The following ACAP2 variants were observed in gnomAD, a reference collection of about 807,000 sequenced individuals.
ACAP2 encodes arf-GAP with coiled-coil, ANK repeat and PH domain-containing protein 2.
ACAP2 carries 39 observed loss-of-function variants against 115.8 expected under a neutral mutation model. The ratio of observed to expected loss-of-function variants is 0.34; its 90% CI spans 0.26 to 0.44. The LOEUF (loss-of-function observed/expected upper bound fraction) is 0.44. Ranked by LOEUF, ACAP2 falls within the 20% of genes least tolerant of loss-of-function variation. The pLI is 1.00. For missense variants in ACAP2, 662 were observed against 927.6 expected (o/e 0.71, Z 3.72); for synonymous variants, 289 against 315.8 (o/e 0.92, Z 0.90).
chr3:195,370,460 G>A (rs374393226), intron 4 of ACAP2, among the ~76,000 whole-genome samples: 3 of 152,070 alleles, frequency 2.0e-5, no homozygotes, highest in Admixed American at 6.6e-5. Context: ...TTCTGCACAC[G>A]GCTAGCCAGT....
intron 1 of ACAP2, among the ~76,000 whole-genome samples, chr3:195,424,223 TATGTGTGTGTGTGTGTGTGTG>T: frequency 1.2e-5 from 1 of 85,392 alleles, no homozygotes; most frequent in African/African-American, 7.1e-5. Flanking sequence ...AGAATGGTCA[TATGTGTGTGTGTGTGTGTGTG>T]GTGTGTGTGT....
At chr3:195,350,617 C>G (rs1428299238) in intron 4 of ACAP2, among the ~76,000 whole-genome samples, 1 of 149,184 alleles carries the variant, frequency 6.7e-6, no homozygotes, top group African/African-American at 2.5e-5. Context: ...TCACTGCACT[C>G]TAGCCCAGAA....
intron 6 of ACAP2, among the ~76,000 whole-genome samples, chr3:195,341,991 A>AG (rs1391952357): frequency 6.6e-6 from 1 of 152,070 alleles, no homozygotes; most frequent in African/African-American, 2.4e-5. Flanking sequence ...AGACTCAGAA[A>AG]GGGGGGAAGG....
intron 1 of ACAP2, among the ~76,000 whole-genome samples, chr3:195,433,936 C>T (rs751373871): frequency 6.6e-6 from 1 of 151,890 alleles, no homozygotes; most frequent in African/African-American, 2.4e-5. Flanking sequence ...GGGTTTGTTT[C>T]ATTTTTGTTT....
chr3:195,422,633 C>T (rs1714279898), intron 1 of ACAP2, among the ~76,000 whole-genome samples: 1 of 152,024 alleles, frequency 6.6e-6, no homozygotes, highest in Non-Finnish European at 1.5e-5. Context: ...ACTACTACAC[C>T]TGGCTAATTT....
intron 1 of ACAP2, among the ~76,000 whole-genome samples, chr3:195,408,124 G>C (rs982596024): frequency 6.6e-6 from 1 of 152,140 alleles, no homozygotes; most frequent in African/African-American, 2.4e-5. Flanking sequence ...GAGAAAATCT[G>C]AATAGACTTA....
intron 9 of ACAP2, among the ~76,000 whole-genome samples, chr3:195,321,432 T>C (rs12491581): frequency 0.021 from 3,265 of 151,896 alleles, 112 homozygotes; most frequent in East Asian, 0.1. Flanking sequence ...CAGGCTGGTC[T>C]TGAATTCCTG....
At chr3:195,427,965 A>C (rs1423703452) in intron 1 of ACAP2, among the ~76,000 whole-genome samples, 1 of 146,160 alleles carries the variant, frequency 6.8e-6, no homozygotes, top group African/African-American at 2.6e-5. Context: ...ATGTATACAT[A>C]CACACACACA....
intron 10 of ACAP2, among the ~76,000 whole-genome samples, chr3:195,313,613 G>A (rs916418965): frequency 1.1e-4 from 16 of 152,108 alleles, no homozygotes; most frequent in African/African-American, 3.9e-4. Flanking sequence ...AAGGCCAATA[G>A]AAATAAAACA....
At chr3:195,366,002 C>A (rs961014541) in intron 4 of ACAP2, among the ~76,000 whole-genome samples, 1 of 151,952 alleles carries the variant, frequency 6.6e-6, no homozygotes, top group East Asian at 1.9e-4. Flanking sequence ...CCACCACACC[C>A]GAATAATTTT....
Position 195,277,863 on chromosome 3 carries a change from C to A in ACAP2, c.*1465G>T, listed in dbSNP as rs1726236957. ...CTGGGAGGCTAAAGCAGGCTGATCA[C>A]CTGAGGTCAGGAGTTCGAGACCAAC... is the stretch of plus-strand genomic sequence containing the variant. On this transcript the variant is annotated 3_prime_UTR_variant, in exon 23 of 23. Transcript: ENST00000326793. 1 of 152,134 alleles carries A rather than the reference C, an allele frequency of 6.6e-6. No individual in the cohort carries two copies. Among genetic ancestry groups the A allele is most frequent in the African/African-American group, 2.4e-5 (1 of 41,438 alleles). 9.4% of individuals were successfully genotyped at this position (152,134 alleles called of 1,614,324 possible). A position where few individuals can be genotyped will look rare whatever the true frequency, so the allele number is the denominator to read the frequency against.
At chr3:195,431,602 T>TG in intron 1 of ACAP2, among the ~76,000 whole-genome samples, 1 of 133,886 alleles carries the variant, frequency 7.5e-6, no homozygotes, top group South Asian at 2.6e-4. Flanking sequence ...CATGCCCGAC[T>TG]AATTTTTTTT....
intron 1 of ACAP2, among the ~76,000 whole-genome samples, chr3:195,429,870 C>A (rs1385168475): frequency 1.3e-5 from 2 of 152,092 alleles, no homozygotes; most frequent in South Asian, 4.1e-4. Flanking sequence ...TGGGAGAGTT[C>A]TTTTTGCCTA....
At chr3:195,412,789 T>G in intron 1 of ACAP2, 1 of 381,996 alleles carries the variant, frequency 2.6e-6, no homozygotes, top group Non-Finnish European at 5.3e-6. Flanking sequence ...ATAACTTAAA[T>G]AGTAGAGTAT....
chr3:195,400,166 G>T (rs1712156571), intron 1 of ACAP2, among the ~76,000 whole-genome samples: 1 of 150,086 alleles, frequency 6.7e-6, no homozygotes, highest in African/African-American at 2.5e-5. Context: ...CAACAAGAAT[G>T]ACAGTCCGTC....
In ACAP2 at chr3:195,297,183, AT is replaced by A; in HGVS notation, c.1487+6del. 6.2e-7 allele frequency: 1 copy of A among 1,609,974 alleles called. No individual in the cohort carries two copies. Among genetic ancestry groups the A allele is most frequent in the Non-Finnish European group, 8.5e-7 (1 of 1,177,776 alleles). ...TAATTAGGGGGAAAAAACAACTGAA[AT>A]AGTACCTTTGTCCTGGTTGGGGTTT... is the stretch of plus-strand genomic sequence containing the variant. On this transcript the variant is annotated splice_donor_region_variant and intron_variant, in intron 16 of 22. Transcript: ENST00000326793.
chr3:195,428,713 C>T (rs1211591783), intron 1 of ACAP2, among the ~76,000 whole-genome samples: 1 of 152,046 alleles, frequency 6.6e-6, no homozygotes, highest in Non-Finnish European at 1.5e-5. Context: ...TAACACATAA[C>T]TGCAATTAAA....
intron 17 of ACAP2, chr3:195,295,193 T>C (rs758885993): frequency 7.8e-7 from 1 of 1,283,204 alleles, no homozygotes; most frequent in Non-Finnish European, 1.0e-6. Flanking sequence ...GAGTAGTACT[T>C]ACTACTACGC....
chr3:195,389,480 A>G (rs1261255875), intron 2 of ACAP2, among the ~76,000 whole-genome samples: 1 of 152,154 alleles, frequency 6.6e-6, no homozygotes, highest in Non-Finnish European at 1.5e-5. Flanking sequence ...ATGTAATAAT[A>G]TATGTATCAC....
Sources: gnomAD v4.1 joint callset for allele counts (sites outside exome capture counted in the v4.1 genomes callset) on GRCh38, gnomAD v4.1.1 for gene constraint, MANE v1.5 for transcripts, NCBI Gene and HGNC (gene_info 2026-07-23, HGNC 2026-07-21) for gene names.